The following FUNDC2 variants were observed in gnomAD, a reference collection of about 807,000 sequenced individuals.
FUNDC2 encodes the protein FUN14 domain-containing protein 2.
FUNDC2 carries 4 observed loss-of-function variants against 15.6 expected under a neutral mutation model. That is an observed-to-expected ratio of 0.26 (90% confidence interval 0.13 to 0.59). The LOEUF (loss-of-function observed/expected upper bound fraction) is 0.59, where lower values mean the gene tolerates loss of function less well. FUNDC2 is among the 20% of genes least tolerant of loss of function. FUNDC2 has a pLI of 0.90. For synonymous variants in FUNDC2, 44 were observed against 56.9 expected, an observed-to-expected ratio of 0.77 and a Z score of 1.02; for missense variants, 98 against 149.7, an observed-to-expected ratio of 0.65 and a Z score of 1.80.
At chrX:155,051,845 C>G (rs1019202235) in intron 4 of FUNDC2, 44 bp downstream of exon 4, 2 of 1,176,855 alleles carry the variant, frequency 1.7e-6, no homozygotes, top group Middle Eastern at 2.4e-4. Context: ...ACAGTGCAGA[C>G]AAAAACAGGG....
chrX:155,038,842 A>T (rs782714093), intron 2 of FUNDC2, among the ~76,000 whole-genome samples: 1 of 112,541 alleles, frequency 8.9e-6, no homozygotes, highest in Non-Finnish European at 1.9e-5. Context: ...CTGACTTCAT[A>T]TCCTTTGGCT....
At chrX:155,049,488 A>G (rs1476314834) in intron 3 of FUNDC2, 1 of 112,978 alleles carries the variant, frequency 8.9e-6, no homozygotes, top group East Asian at 2.8e-4. Flanking sequence ...TGACTACTGT[A>G]GCATTATAGT....
At chrX:155,045,672 A>G (rs2073859919) in intron 2 of FUNDC2, among the ~76,000 whole-genome samples, 1 of 111,402 alleles carries the variant, frequency 9.0e-6, no homozygotes, top group African/African-American at 3.3e-5. Flanking sequence ...GAATATGGAC[A>G]CAGGACAAAA....
Position 155,057,576 on chromosome X carries a change from C to G in FUNDC2, c.*2904C>G, listed in dbSNP as rs2051161. On this transcript the variant is annotated 3_prime_UTR_variant, in exon 5 of 5. Coordinates refer to ENST00000369498, the MANE Select transcript of FUNDC2 (RefSeq NM_023934.4). ...GTAACACCGCACTCAAGGCTTCCAA[C>G]TTGTCAACCAATAGGATGGCATCTA... The G allele has an allele frequency of 0.51, 56,323 of 110,449 alleles. 12,583 individuals are homozygous for G. The highest frequency in any genetic ancestry group is 0.88 in the African/African-American group (26,505 of 30,228). The allele number at this position is 110,449 out of a possible 1,213,427, so 9.1% of individuals were successfully genotyped here. A position where few individuals can be genotyped will look rare whatever the true frequency, so the allele number is the denominator to read the frequency against.
rs931204786 is a variant in FUNDC2 at position 155,058,985 on chromosome X, C to T, written c.*4313C>T. On this transcript the variant is annotated 3_prime_UTR_variant, in exon 5 of 5. Transcript: ENST00000369498. ...CATCCTTGCTTGCACTTGGGAATCACCTGTGAAATTTTAAAAACTACTAAT... is the reference window on the plus strand; with the variant it reads ...CATCCTTGCTTGCACTTGGGAATCATCTGTGAAATTTTAAAAACTACTAAT... 1.8e-5 allele frequency: 2 copies of T among 111,541 alleles called. No homozygotes were observed. The highest frequency in any genetic ancestry group is 6.5e-5 in the African/African-American group (2 of 30,627). 9.2% of individuals were successfully genotyped at this position (111,541 alleles called of 1,213,427 possible).
At chrX:155,053,054 A>C (rs1407552370) in intron 4 of FUNDC2, among the ~76,000 whole-genome samples, 1 of 111,598 alleles carries the variant, frequency 9.0e-6, no homozygotes, top group Non-Finnish European at 1.9e-5. Flanking sequence ...TTTTTTGGAG[A>C]GACAGGGTCT....
intron 4 of FUNDC2, chrX:155,053,681 G>T (rs2073885376): frequency 5.1e-6 from 1 of 195,598 alleles, no homozygotes; most frequent in Non-Finnish European, 7.6e-6. Context: ...AGGAGGATGG[G>T]GTTGGTAGTG....
Position 155,055,309 on chromosome X carries a change from A to G in FUNDC2, c.*637A>G, listed in dbSNP as rs933583357. ...TTCCAAAGGGTTTATTTATTGTAAA[A>G]CAAGTGATTTAGGTGGGAAAGGGAA... On this transcript the variant is annotated 3_prime_UTR_variant, in exon 5 of 5. Coordinates refer to ENST00000369498, the MANE Select transcript of FUNDC2 (RefSeq NM_023934.4). 37 of 295,563 alleles carry G rather than the reference A, an allele frequency of 1.3e-4. No individual in the cohort carries two copies. Among genetic ancestry groups the G allele is most frequent in the Non-Finnish European group, 1.9e-4 (32 of 170,055 alleles). The allele number at this position is 295,563 out of a possible 1,213,427, so 24.4% of individuals were successfully genotyped here.
rs2124201363 is a variant in FUNDC2 at position 155,056,024 on chromosome X, C to T, written c.*1352C>T. 8.9e-6 allele frequency: 1 copy of T among 112,358 alleles called. No individual in the cohort carries two copies. The highest frequency in any genetic ancestry group is 3.6e-4 in the South Asian group (1 of 2,747). The allele number at this position is 112,358 out of a possible 1,213,427, so 9.3% of individuals were successfully genotyped here. ...ACAGAAACCACCTATTTGCGTTTTT[C>T]TCCTTACATTTAAGGAAACATAAGC... On this transcript the variant is annotated 3_prime_UTR_variant, in exon 5 of 5. Coordinates refer to ENST00000369498, the MANE Select transcript of FUNDC2 (RefSeq NM_023934.4).
chrX:155,051,919 T>G lies in FUNDC2; in HGVS notation c.492+118T>G, dbSNP rs781801598. On this transcript the variant is annotated intron_variant, in intron 4 of 4. Coordinates refer to ENST00000369498, the MANE Select transcript of FUNDC2 (RefSeq NM_023934.4). ...CTTAAGCATTACAAAGAACTTAGAG[T>G]AATGAGACAAAACTAACTTGGATTA... 134 of 711,104 alleles carry G rather than the reference T, an allele frequency of 1.9e-4. 6 individuals are homozygous for G. The highest frequency in any genetic ancestry group is 3.5e-4 in the Middle Eastern group (1 of 2,893). The allele number at this position is 711,104 out of a possible 1,213,427, so 58.6% of individuals were successfully genotyped here. A position where few individuals can be genotyped will look rare whatever the true frequency, so the allele number is the denominator to read the frequency against.
At chrX:155,051,630 T>C (rs782620084) in intron 3 of FUNDC2, 40 bp from the exon 4 acceptor site, 2 of 1,192,533 alleles carry the variant, frequency 1.7e-6, no homozygotes, top group South Asian at 3.6e-5. Context: ...ATAACAAATC[T>C]GTTTCTCATT....
intron 1 of FUNDC2, among the ~76,000 whole-genome samples, chrX:155,028,040 C>CAGAGCAGACTGCTCTTATAGACTTTTATA (rs782133271): frequency 0.14 from 11,377 of 83,096 alleles, 2,117 homozygotes; most frequent in Admixed American, 0.17. Context: ...TATTTTCCTG[C>CAGAGCAGACTGCTCTTATAGACTTTTATA]AGAGCAGACT....
rs2073888082 is a variant in FUNDC2 at position 155,054,543 on chromosome X, T to C, written c.493-52T>C. 5 of 1,206,289 alleles carry C rather than the reference T, an allele frequency of 4.1e-6. No homozygotes were observed. In the East Asian group the frequency reaches 1.5e-4, roughly 36 times the overall value. ...TAGGTATAATAGAGATGATTCTTAATATTATTAACATCCTTAGCAAAACAA... is the reference window on the plus strand; with the variant it reads ...TAGGTATAATAGAGATGATTCTTAACATTATTAACATCCTTAGCAAAACAA... On this transcript the variant is annotated intron_variant, in intron 4 of 4. Coordinates refer to ENST00000369498, the MANE Select transcript of FUNDC2 (RefSeq NM_023934.4).
intron 1 of FUNDC2, among the ~76,000 whole-genome samples, chrX:155,028,121 T>TATAGACTTTTATAAGA (rs2073802072): frequency 8.9e-6 from 1 of 112,037 alleles, no homozygotes; most frequent in African/African-American, 3.2e-5. Flanking sequence ...TCTTATAGGT[T>TATAGACTTTTATAAGA]GATCAGGTAT....
intron 4 of FUNDC2, chrX:155,054,114 AG>A: frequency 1.3e-6 from 1 of 752,671 alleles, no homozygotes; most frequent in Non-Finnish European, 1.6e-6. Context: ...AGCAGGTTTC[AG>A]GGGGGAATGC....
intron 2 of FUNDC2, among the ~76,000 whole-genome samples, chrX:155,041,639 CT>C (rs2073846430): frequency 9.1e-6 from 1 of 109,991 alleles, no homozygotes. Flanking sequence ...AGGGTTGTTG[CT>C]TTTTTTTCAG....
chrX:155,047,294 C>T, intron 3 of FUNDC2: 1 of 342,016 alleles, frequency 2.9e-6, no homozygotes, highest in East Asian at 9.7e-5. Flanking sequence ...GGTGATTCTG[C>T]TGTGCTGTGG....
chrX:155,035,467 C>T (rs1479076226), intron 2 of FUNDC2, among the ~76,000 whole-genome samples: 1 of 111,635 alleles, frequency 9.0e-6, no homozygotes, highest in Admixed American at 9.5e-5. Context: ...TATGTACATG[C>T]CCATAAAACC....
At chrX:155,042,083 A>G (rs1317714130) in intron 2 of FUNDC2, among the ~76,000 whole-genome samples, 1 of 105,957 alleles carries the variant, frequency 9.4e-6, no homozygotes, top group Non-Finnish European at 2.0e-5. Context: ...AAAAAAAAAA[A>G]AAAGAAAAAA....
Sources: gnomAD v4.1 joint callset for allele counts (sites outside exome capture counted in the v4.1 genomes callset) on GRCh38, gnomAD v4.1.1 for gene constraint, MANE v1.5 for transcripts, NCBI Gene and HGNC (gene_info 2026-07-23, HGNC 2026-07-21) for gene names.